The following RABGAP1L variants were observed in gnomAD, a reference collection of about 807,000 sequenced individuals.
RABGAP1L encodes the protein RAB GTPase activating protein 1 like.
In RABGAP1L, 63 loss-of-function variants were observed where a neutral mutation model predicts 137.7. The ratio of observed to expected loss-of-function variants is 0.46; its 90% CI spans 0.37 to 0.56. The LOEUF is 0.56. RABGAP1L is among the 20% of genes least tolerant of loss of function. The pLI, the probability that RABGAP1L is intolerant of heterozygous loss-of-function variation, is 0.00. For synonymous variants in RABGAP1L, 431 were observed against 433.7 expected (o/e 0.99, Z 0.08); for missense variants, 1,095 against 1,244.0 (o/e 0.88, Z 1.80).
intron 19 of RABGAP1L, among the ~76,000 whole-genome samples, chr1:174,918,731 T>C (rs1661286356): frequency 6.6e-6 from 1 of 152,072 alleles, no homozygotes; most frequent in South Asian, 2.1e-4. Context: ...GAGCCAAAAT[T>C]GTGCCACTGC....
intron 1 of RABGAP1L, among the ~76,000 whole-genome samples, chr1:174,199,396 A>C (rs1479007265): frequency 6.6e-6 from 1 of 152,162 alleles, no homozygotes; most frequent in Admixed American, 6.5e-5. Flanking sequence ...GATTCAAGCA[A>C]TTCTCCTGCC....
intron 2 of RABGAP1L, among the ~76,000 whole-genome samples, chr1:174,220,143 C>T (rs1010888592): frequency 6.6e-6 from 1 of 151,982 alleles, no homozygotes; most frequent in African/African-American, 2.4e-5. Flanking sequence ...TTTCACCTGC[C>T]TTTGAGAAAA....
intron 11 of RABGAP1L, among the ~76,000 whole-genome samples, chr1:174,336,598 T>C (rs940457687): frequency 1.3e-5 from 2 of 152,218 alleles, no homozygotes; most frequent in African/African-American, 4.8e-5. Flanking sequence ...AACGAAGCTT[T>C]ATTTTATAGG....
intron 13 of RABGAP1L, among the ~76,000 whole-genome samples, chr1:174,610,225 T>G (rs201777268): frequency 1.7e-5 from 2 of 116,894 alleles, no homozygotes; most frequent in Non-Finnish European, 3.4e-5. Context: ...CCCACAACAG[T>G]CCCCAGAGTG....
chr1:174,373,892 C>T (rs895989392), intron 12 of RABGAP1L, among the ~76,000 whole-genome samples: 2 of 152,116 alleles, frequency 1.3e-5, no homozygotes, highest in African/African-American at 4.8e-5. Flanking sequence ...AGCTGATAGG[C>T]AGTGGGTAAA....
At chr1:174,538,689 T>C (rs1665097720) in intron 13 of RABGAP1L, among the ~76,000 whole-genome samples, 1 of 152,178 alleles carries the variant, frequency 6.6e-6, no homozygotes, top group Admixed American at 6.5e-5. Context: ...CTACTTTGAA[T>C]TCCCTGGGAG....
In RABGAP1L at chr1:174,374,927, A is replaced by C. The variant is rs1039063784; in HGVS notation, c.1559+3855A>C. On this transcript the variant is annotated intron_variant, in intron 12 of 25. Transcript: ENST00000681986. ...TTTTATGGTTTGGGATTATATCACC[A>C]TTCTTGAGGAATTTACAATAACAGT... is the stretch of plus-strand genomic sequence containing the variant. Among the ~76,000 whole-genome samples, 8 of 152,292 alleles carry C rather than the reference A, an allele frequency of 5.3e-5. No homozygotes were observed. The South Asian group carries it at 1.7e-3, about 32-fold the overall frequency.
At chr1:174,536,873 A>G (rs1384813754) in intron 13 of RABGAP1L, among the ~76,000 whole-genome samples, 1 of 152,200 alleles carries the variant, frequency 6.6e-6, no homozygotes, top group Non-Finnish European at 1.5e-5. Flanking sequence ...AGAGAAAAGG[A>G]CACATTTAGA....
chr1:174,213,785 C>A (rs948990182), intron 1 of RABGAP1L, among the ~76,000 whole-genome samples: 2 of 152,140 alleles, frequency 1.3e-5, no homozygotes, highest in Non-Finnish European at 2.9e-5. Context: ...TGAAAACATT[C>A]AACATCGCTT....
At chr1:174,934,387 G>T (rs190427081) in intron 19 of RABGAP1L, among the ~76,000 whole-genome samples, 78 of 152,072 alleles carry the variant, frequency 5.1e-4, no homozygotes, top group African/African-American at 1.7e-3. Context: ...ACGCCCGGCC[G>T]AAAGTTGTAC....
At chr1:174,547,775 T>A in intron 13 of RABGAP1L, 1 of 1,324,610 alleles carries the variant, frequency 7.5e-7, no homozygotes, top group South Asian at 1.3e-5. Flanking sequence ...TGACGTTAGA[T>A]GCATCAGTTT....
At chr1:174,493,843 T>C (rs1401375705) in intron 13 of RABGAP1L, among the ~76,000 whole-genome samples, 1 of 132,882 alleles carries the variant, frequency 7.5e-6, no homozygotes, top group Non-Finnish European at 1.6e-5. Flanking sequence ...AAAAAAAAAG[T>C]ATAGGCAGAA....
intron 18 of RABGAP1L, among the ~76,000 whole-genome samples, chr1:174,771,721 T>A (rs1268169695): frequency 6.6e-6 from 1 of 152,242 alleles, no homozygotes; most frequent in Non-Finnish European, 1.5e-5. Context: ...AAGCAATGTG[T>A]TGGATCTATG....
At chr1:174,379,330 A>T (rs926142422) in intron 12 of RABGAP1L, among the ~76,000 whole-genome samples, 1 of 146,636 alleles carries the variant, frequency 6.8e-6, no homozygotes, top group Admixed American at 6.8e-5. Flanking sequence ...GAAGAAAGTC[A>T]TTGGTAGCTT....
At chr1:174,733,922 G>C (rs1184217175) in intron 17 of RABGAP1L, among the ~76,000 whole-genome samples, 1 of 152,146 alleles carries the variant, frequency 6.6e-6, no homozygotes, top group African/African-American at 2.4e-5. Flanking sequence ...GGTAAGGGTG[G>C]GAGCAGTGGG....
intron 19 of RABGAP1L, chr1:174,850,145 C>A: frequency 2.1e-6 from 1 of 465,654 alleles, no homozygotes; most frequent in South Asian, 1.6e-5. Flanking sequence ...AATTCCTGAT[C>A]CTGCGAGTCA....
chr1:174,899,717 T>C (rs1300155566), intron 19 of RABGAP1L, among the ~76,000 whole-genome samples: 5 of 152,208 alleles, frequency 3.3e-5, no homozygotes, highest in African/African-American at 1.2e-4. Flanking sequence ...GGAGAAGGCA[T>C]TCTAATGACT....
At chr1:174,703,907 C>T (rs529320360) in intron 17 of RABGAP1L, among the ~76,000 whole-genome samples, 13 of 152,208 alleles carry the variant, frequency 8.5e-5, no homozygotes, top group Non-Finnish European at 1.8e-4. Flanking sequence ...TGTTTATGTC[C>T]TTTGCCCGCT....
intron 8 of RABGAP1L, 91 bp from the exon 9 acceptor site, chr1:174,275,742 T>C: frequency 1.1e-6 from 1 of 896,802 alleles, no homozygotes; most frequent in Non-Finnish European, 1.7e-6. Context: ...ATCTAAATTT[T>C]AATAATTTGT....
Sources: allele counts gnomAD v4.1 joint callset (sites outside exome capture counted in the v4.1 genomes callset), GRCh38; gene constraint gnomAD v4.1.1; transcripts MANE v1.5; gene names NCBI Gene and HGNC (gene_info 2026-07-23, HGNC 2026-07-21).